The following RGS7 variants were observed in gnomAD, a reference collection of about 807,000 sequenced individuals.
RGS7 encodes the protein regulator of G protein signaling 7, also known as regulator of G-protein signaling 7.
A neutral mutation model predicts 81.1 loss-of-function variants in RGS7; 27 were observed. The observed-to-expected ratio is 0.33, with a 90% CI of 0.25 to 0.46. RGS7 has a LOEUF of 0.46. RGS7 is among the 20% of genes least tolerant of loss of function. The pLI is 1.00. For synonymous variants in RGS7, 208 were observed against 207.7 expected, an observed-to-expected ratio of 1.00 and a Z score of -0.01; for missense variants, 396 against 607.4, an observed-to-expected ratio of 0.65 and a Z score of 3.66.
At chr1:241,264,214 T>C (rs1489549555) in intron 2 of RGS7, among the ~76,000 whole-genome samples, 1 of 152,130 alleles carries the variant, frequency 6.6e-6, no homozygotes, top group Non-Finnish European at 1.5e-5. Flanking sequence ...AATATGACAT[T>C]AGGCCAGGCG....
Position 240,854,574 on chromosome 1 carries a change from C to T in RGS7, c.609+14013G>A, listed in dbSNP as rs997273933. On this transcript the variant is annotated intron_variant, in intron 9 of 18. Transcript: ENST00000440928. ...CTACGCCTCGTCTGGACTTTTCAGA[C>T]GGCAGAGATCTCCCTGCCATGTGAT... is the stretch of plus-strand genomic sequence containing the variant. Among the ~76,000 whole-genome samples, 14 of 152,168 alleles carry T rather than the reference C, an allele frequency of 9.2e-5. No individual in the cohort carries two copies. In the South Asian group the frequency reaches 1.5e-3, roughly 16 times the overall value.
chr1:240,982,925 A>G (rs1318757329), intron 4 of RGS7, among the ~76,000 whole-genome samples, 154 bp downstream of exon 4: 1 of 152,214 alleles, frequency 6.6e-6, no homozygotes, highest in Non-Finnish European at 1.5e-5. Flanking sequence ...TTTGACTACC[A>G]TAAAATTTAT....
intron 2 of RGS7, among the ~76,000 whole-genome samples, chr1:241,177,314 T>G (rs1433711591): frequency 2.0e-5 from 3 of 152,064 alleles, no homozygotes; most frequent in Non-Finnish European, 4.4e-5. Context: ...CAAGCACATC[T>G]GATGGAGAGA....
intron 2 of RGS7, among the ~76,000 whole-genome samples, chr1:241,225,145 C>T (rs998322581): frequency 1.3e-5 from 2 of 152,238 alleles, no homozygotes; most frequent in African/African-American, 4.8e-5. Flanking sequence ...ATTCCTCATC[C>T]CCCTTGTACC....
intron 2 of RGS7, among the ~76,000 whole-genome samples, chr1:241,192,591 T>TA (rs1388654592): frequency 6.6e-6 from 1 of 152,180 alleles, no homozygotes; most frequent in Non-Finnish European, 1.5e-5. Flanking sequence ...TTCTGGTACA[T>TA]AAAATAGGCC....
intron 3 of RGS7, among the ~76,000 whole-genome samples, chr1:241,086,490 A>G (rs2502416): frequency 0.25 from 37,457 of 151,136 alleles, 6,327 homozygotes; most frequent in African/African-American, 0.48. Flanking sequence ...CGTGCATCCT[A>G]TTTTTTCTTA....
intron 1 of RGS7, among the ~76,000 whole-genome samples, 160 bp downstream of exon 1, chr1:241,356,739 C>T (rs2148768222): frequency 6.7e-6 from 1 of 149,956 alleles, no homozygotes; most frequent in East Asian, 2.0e-4. Flanking sequence ...CCGCGGGGTG[C>T]GCGCGGCGCC....
intron 2 of RGS7, among the ~76,000 whole-genome samples, chr1:241,268,767 G>A (rs191314649): frequency 3.3e-5 from 5 of 152,264 alleles, no homozygotes; most frequent in African/African-American, 1.2e-4. Flanking sequence ...CAGACACTGA[G>A]TTCAGCTTTG....
In RGS7 at chr1:241,242,552, C is replaced by A. The variant is rs180887937; in HGVS notation, c.78+113147G>T. Among the ~76,000 whole-genome samples the A allele has an allele frequency of 6.6e-5, 10 of 152,296 alleles. No individual in the cohort carries two copies. In the East Asian group the frequency reaches 1.9e-3, roughly 29 times the overall value. ...CTTTTAGTTCTTTAAGGAATCTCCA[C>A]ACTGTTTTCCATAGTGGTTGTACTG... is the stretch of plus-strand genomic sequence containing the variant. On this transcript the variant is annotated intron_variant, in intron 2 of 18. Transcript: ENST00000440928.
chr1:241,092,859 T>G (rs572205332), intron 3 of RGS7, among the ~76,000 whole-genome samples: 1 of 117,560 alleles, frequency 8.5e-6, no homozygotes, highest in African/African-American at 4.1e-5. Flanking sequence ...CAATAAAAGA[T>G]AGAAAAAAAA....
intron 2 of RGS7, among the ~76,000 whole-genome samples, chr1:241,212,784 T>A (rs1189132138): frequency 2.6e-5 from 4 of 152,278 alleles, no homozygotes; most frequent in Admixed American, 6.5e-5. Context: ...CCCTGGAACA[T>A]AAGTAGGGCT....
At chr1:240,945,265 A>C (rs2148413270) in intron 4 of RGS7, among the ~76,000 whole-genome samples, 1 of 152,344 alleles carries the variant, frequency 6.6e-6, no homozygotes, top group South Asian at 2.1e-4. Flanking sequence ...GAAATATAAA[A>C]GCTGATTTTA....
At chr1:241,303,631 A>G (rs879425867) in intron 2 of RGS7, among the ~76,000 whole-genome samples, 1 of 152,216 alleles carries the variant, frequency 6.6e-6, no homozygotes, top group Admixed American at 6.5e-5. Flanking sequence ...AATAGTGATC[A>G]AAATAAAATC....
chr1:241,191,662 T>C (rs774028537), intron 2 of RGS7, among the ~76,000 whole-genome samples: 5 of 152,212 alleles, frequency 3.3e-5, no homozygotes, highest in African/African-American at 4.8e-5. Flanking sequence ...CTGGAAGAGA[T>C]TGTGAATTGG....
At chr1:241,303,616 G>A (rs2079905908) in intron 2 of RGS7, among the ~76,000 whole-genome samples, 3 of 152,094 alleles carry the variant, frequency 2.0e-5, no homozygotes, top group African/African-American at 7.2e-5. Context: ...CAGTTTGTAT[G>A]TCTGAATAGT....
intron 9 of RGS7, among the ~76,000 whole-genome samples, chr1:240,866,787 T>C (rs1663375743): frequency 6.6e-6 from 1 of 152,028 alleles, no homozygotes; most frequent in African/African-American, 2.4e-5. Context: ...GGGGAGTGTT[T>C]GAGGTGGGAT....
chr1:241,265,227 G>T (rs2077523690), intron 2 of RGS7, among the ~76,000 whole-genome samples: 2 of 152,310 alleles, frequency 1.3e-5, no homozygotes, highest in South Asian at 4.1e-4. Context: ...TTAATAAACT[G>T]CTGTCAATGT....
chr1:241,201,980 C>T (rs10802934), intron 2 of RGS7, among the ~76,000 whole-genome samples: 40,264 of 136,212 alleles, frequency 0.3, 6,188 homozygotes, highest in Middle Eastern at 0.38. Context: ...CAGCCCACTA[C>T]CTCAACCCTG....
intron 2 of RGS7, among the ~76,000 whole-genome samples, chr1:241,225,093 ATC>A (rs1340420244): frequency 6.6e-6 from 1 of 152,020 alleles, no homozygotes; most frequent in East Asian, 1.9e-4. Context: ...CAGTATACCC[ATC>A]TCCCAAATAG....
Sources: gnomAD v4.1 joint callset for allele counts (sites outside exome capture counted in the v4.1 genomes callset) on GRCh38, gnomAD v4.1.1 for gene constraint, MANE v1.5 for transcripts, NCBI Gene and HGNC (gene_info 2026-07-23, HGNC 2026-07-21) for gene names.